Variants in RBM6 observed in about 807,000 individuals in gnomAD.
RBM6 encodes the protein RNA-binding protein 6.
RBM6 carries 23 observed loss-of-function variants against 140.4 expected under a neutral mutation model. That is an observed-to-expected ratio of 0.16 (90% CI 0.12 to 0.23). RBM6 has a LOEUF of 0.23. Ranked by LOEUF, RBM6 falls within the 10% of genes least tolerant of loss-of-function variation. The pLI is 1.00. For synonymous variants in RBM6, 439 were observed against 475.6 expected (o/e 0.92, Z 1.00); for missense variants, 1,139 against 1,386.7 (o/e 0.82, Z 2.84).
intron 4 of RBM6, among the ~76,000 whole-genome samples, chr3:49,974,673 ATTT>A (rs55872898): frequency 6.9e-5 from 5 of 72,464 alleles, no homozygotes; most frequent in East Asian, 7.2e-4. Flanking sequence ...TGCCCGGCCA[ATTT>A]TTTTTTTTTT....
intron 5 of RBM6, among the ~76,000 whole-genome samples, chr3:49,987,514 A>G (rs1469520044): frequency 6.6e-6 from 1 of 151,160 alleles, no homozygotes; most frequent in Non-Finnish European, 1.5e-5. Flanking sequence ...GACAGGTTTC[A>G]CCATGTTGGC....
chr3:49,959,172 T>C (rs533523473), intron 1 of RBM6, among the ~76,000 whole-genome samples: 172 of 151,036 alleles, frequency 1.1e-3, no homozygotes, highest in Non-Finnish European at 2.0e-3. Flanking sequence ...TATCTGAGAA[T>C]GTCTTGATTT....
chr3:50,066,425 G>T lies in RBM6; in HGVS notation c.2866G>T (p.Ala956Ser). 1 of 1,613,916 alleles carries T rather than the reference G, an allele frequency of 6.2e-7. No individual in the cohort carries two copies. The highest frequency in any genetic ancestry group is 8.5e-7 in the Non-Finnish European group (1 of 1,180,030). ...EDKLTDWNKL[A>S]CLLCRRQFPN... ...CAAACTCACTGACTGGAATAAACTG[G>T]CTTGTCTGCTTTGCAGAAGGCAGTT... Residue 956 changes from alanine to serine, a missense_variant, in exon 17 of 21, where the codon GCT (alanine) becomes TCT (serine). Around this residue, in one of 9 missense-constraint regions of RBM6, gnomAD observed 40 missense variants for 80.1 expected, o/e 0.50. Coordinates refer to ENST00000266022, the MANE Select transcript of RBM6 (RefSeq NM_005777.3).
At position 50,077,088 on chromosome 3, in the gene RBM6, T is replaced by G; in HGVS notation, c.3327T>G (p.Asp1109Glu). The G allele has an allele frequency of 6.2e-7, 1 of 1,613,292 alleles. No homozygotes were observed. Among genetic ancestry groups the G allele is most frequent in the Non-Finnish European group, 8.5e-7 (1 of 1,179,854 alleles). Residue 1109 changes from aspartate to glutamate, a missense_variant, in exon 21 of 21, where the codon GAT becomes GAG. Around this residue, in one of 9 missense-constraint regions of RBM6, gnomAD observed 125 missense variants for 142.0 expected, o/e 0.88. Coordinates refer to ENST00000266022, the MANE Select transcript of RBM6 (RefSeq NM_005777.3). Reference sequence around the variant, plus strand: ...GACAGTCCAACGAGACTTACCGAGATGCTGTTCGAAGAGTCATGTTTGCTC... The same window carrying G: ...GACAGTCCAACGAGACTTACCGAGAGGCTGTTCGAAGAGTCATGTTTGCTC... ...SKRQSNETYR[D>E]AVRRVMFARY...
Position 49,967,124 on chromosome 3 carries a change from T to A in RBM6, c.45-346T>A. The A allele has an allele frequency of 1.4e-6, 1 of 694,938 alleles. No homozygotes were observed. The highest frequency in any genetic ancestry group is 1.8e-6 in the Non-Finnish European group (1 of 548,108). 43.0% of individuals were successfully genotyped at this position (694,938 alleles called of 1,614,324 possible). On this transcript the variant is annotated intron_variant, in intron 2 of 20. Coordinates refer to ENST00000266022, the MANE Select transcript of RBM6 (RefSeq NM_005777.3). This position sits in a 1 kb window ranked among gnomAD's most constrained non-coding sequence, Gnocchi z 4.0. ...CCTTGGAATTCTTAAGTTCCCTGGC[T>A]GTAGGAAATGGAAATTTTTGTAGTA...
chr3:50,063,016 C>T (rs1024224272), intron 15 of RBM6, among the ~76,000 whole-genome samples: 2 of 151,786 alleles, frequency 1.3e-5, no homozygotes, highest in African/African-American at 4.8e-5. Flanking sequence ...ACCTCAGCCT[C>T]CCAAGTAGCG....
At chr3:49,953,245 A>T (rs1403984676) in intron 1 of RBM6, among the ~76,000 whole-genome samples, 4 of 138,244 alleles carry the variant, frequency 2.9e-5, no homozygotes, top group Non-Finnish European at 6.2e-5. Flanking sequence ...TTTGAGATGG[A>T]GTCTTGCCCT....
At chr3:50,061,715 C>G in intron 14 of RBM6, 168 bp downstream of exon 14, 1 of 1,423,696 alleles carries the variant, frequency 7.0e-7, no homozygotes, top group Non-Finnish European at 9.2e-7. Context: ...GAACTGTTGC[C>G]TATATGGAAA....
At chr3:50,015,295 GC>G (rs1184779124) in intron 6 of RBM6, among the ~76,000 whole-genome samples, 3 of 150,374 alleles carry the variant, frequency 2.0e-5, no homozygotes, top group African/African-American at 4.9e-5. Context: ...TTTAGCAGAG[GC>G]GGGGTTTCAC....
intron 7 of RBM6, chr3:50,054,069 T>C (rs2089600073): frequency 8.0e-6 from 3 of 375,334 alleles, no homozygotes; most frequent in Non-Finnish European, 1.4e-5. Context: ...TAGGCATATT[T>C]CCTATAGGAA....
chr3:50,030,927 T>TG (rs911923484), intron 6 of RBM6, among the ~76,000 whole-genome samples: 8 of 150,180 alleles, frequency 5.3e-5, no homozygotes, highest in African/African-American at 2.0e-4. Flanking sequence ...GTTAGGGGGC[T>TG]GGGGGGAAGG....
chr3:49,956,916 C>G (rs374211115), intron 1 of RBM6, among the ~76,000 whole-genome samples: 10 of 150,848 alleles, frequency 6.6e-5, no homozygotes, highest in African/African-American at 2.4e-4. Context: ...CCTCCCGCCT[C>G]GGCCTCCCAA....
At chr3:50,003,701 T>C (rs1451269379) in intron 6 of RBM6, among the ~76,000 whole-genome samples, 1 of 152,234 alleles carries the variant, frequency 6.6e-6, no homozygotes, top group East Asian at 1.9e-4. Context: ...TAGGATGCTC[T>C]GCAGCAGTAC....
At chr3:50,048,372 C>G in intron 7 of RBM6, 53 bp downstream of exon 7, 1 of 1,582,202 alleles carries the variant, frequency 6.3e-7, no homozygotes, top group Non-Finnish European at 8.6e-7. Flanking sequence ...ATAACAGCTC[C>G]TCCATATCTC....
intron 18 of RBM6, among the ~76,000 whole-genome samples, chr3:50,069,228 A>G (rs926610783): frequency 5.3e-5 from 8 of 152,152 alleles, no homozygotes; most frequent in Non-Finnish European, 7.4e-5. Flanking sequence ...GAACCCACCT[A>G]TGGGTCAGGC....
Position 49,967,998 on chromosome 3 carries a change from C to T in RBM6, c.573C>T (p.Ser191=). Residue 191 remains serine, a synonymous_variant, in exon 3 of 21, where the codon TCC becomes TCT. Transcript: ENST00000266022. The surrounding 1 kb of genome is among the most constrained non-coding windows in gnomAD (Gnocchi z 4.0). ...TAGATTTTAGAGGCCGGGATGGATC[C>T]CATGCAGATTTTAGGGGAAGGGATT... ...YDLDFRGRDG[S]HADFRGRDLS... 1 of 1,614,100 alleles carries T rather than the reference C, an allele frequency of 6.2e-7. No individual in the cohort carries two copies. Among genetic ancestry groups the T allele is most frequent in the South Asian group, 1.1e-5 (1 of 91,060 alleles).
At chr3:50,018,598 T>G (rs1008104165) in intron 6 of RBM6, among the ~76,000 whole-genome samples, 2 of 136,758 alleles carry the variant, frequency 1.5e-5, no homozygotes, top group South Asian at 2.6e-4. Flanking sequence ...TTTTTTTTTT[T>G]TTTTTTTTTT....
chr3:49,975,247 A>T, intron 4 of RBM6, 76 bp from the exon 5 acceptor site: 6 of 1,283,456 alleles, frequency 4.7e-6, no homozygotes, highest in Non-Finnish European at 5.7e-6. Flanking sequence ...TGTATGATAA[A>T]AACTGTTAGG....
intron 5 of RBM6, among the ~76,000 whole-genome samples, chr3:49,977,056 A>C (rs1490634041): frequency 6.6e-6 from 1 of 152,192 alleles, no homozygotes; most frequent in African/African-American, 2.4e-5. Context: ...AATATCAGCC[A>C]GATCATGTTA....
Sources: gnomAD v4.1 joint callset for allele counts (sites outside exome capture counted in the v4.1 genomes callset) on GRCh38, gnomAD v4.1.1 for gene constraint, gnomAD v4.1.1 regional missense constraint, Gnocchi (gnomAD v3.1) non-coding constraint, MANE v1.5 for transcripts, NCBI Gene and HGNC (gene_info 2026-07-23, HGNC 2026-07-21) for gene names.